The following ATP6V0A4 variants were observed in gnomAD, a reference collection of about 807,000 sequenced individuals.
ATP6V0A4 encodes the protein V-type proton ATPase 116 kDa subunit a 4.
Under a neutral mutation model 107.3 loss-of-function variants are expected in ATP6V0A4, and 86 were observed. The ratio of observed to expected loss-of-function variants is 0.80; its 90% CI spans 0.67 to 0.96. The LOEUF (loss-of-function observed/expected upper bound fraction) is 0.96. Among genes scored for constraint, ATP6V0A4 ranks in the 40% least tolerant of loss-of-function variants. The probability of loss-of-function intolerance (pLI) is 0.00; values close to 1 mark genes in which losing one functional copy is unlikely to be tolerated. For missense variants in ATP6V0A4, 908 were observed against 1,045.6 expected (o/e 0.87, Z 1.81); for synonymous variants, 353 against 381.4 (o/e 0.93, Z 0.87).
rs902076935 is a variant in ATP6V0A4, at chr7:138,795,081, T to C, written c.-121+2953A>G. ...CCTGGCTAATATTTCTGAATTTTTT[T>C]AGTAGAGATGGGATTTCACCATGTT... is the stretch of plus-strand genomic sequence containing the variant. On this transcript the variant is annotated intron_variant, in intron 1 of 21. Coordinates refer to ENST00000310018, the MANE Select transcript of ATP6V0A4 (RefSeq NM_020632.3). Among the ~76,000 whole-genome samples, 15 of 152,198 alleles carry C rather than the reference T, an allele frequency of 9.9e-5. No homozygotes were observed. In the East Asian group the frequency reaches 2.9e-3, roughly 29 times the overall value.
intron 18 of ATP6V0A4, among the ~76,000 whole-genome samples, chr7:138,727,805 C>T (rs189469269): frequency 2.0e-5 from 3 of 152,292 alleles, no homozygotes; most frequent in Non-Finnish European, 4.4e-5. Flanking sequence ...CAGAGCTAGA[C>T]GCTGATGTCC....
At chr7:138,769,374 G>A in intron 3 of ATP6V0A4, 123 bp from the exon 4 acceptor site, 1 of 1,436,074 alleles carries the variant, frequency 7.0e-7, no homozygotes, top group Non-Finnish European at 9.3e-7. Context: ...GAGGGCAATG[G>A]CGCGATCTCA....
chr7:138,793,561 C>T (rs958106864), intron 1 of ATP6V0A4, among the ~76,000 whole-genome samples: 22 of 152,068 alleles, frequency 1.4e-4, no homozygotes, highest in Admixed American at 5.2e-4. Flanking sequence ...TGGACTTACC[C>T]GGAGCACTGA....
chr7:138,714,212 G>A (rs1224409083), intron 20 of ATP6V0A4, among the ~76,000 whole-genome samples: 1 of 147,042 alleles, frequency 6.8e-6, no homozygotes, highest in Admixed American at 7.0e-5. Flanking sequence ...CTCCATCCTG[G>A]GCAACAGAGG....
chr7:138,790,470 T>C (rs1045107631), intron 1 of ATP6V0A4, among the ~76,000 whole-genome samples: 1 of 152,102 alleles, frequency 6.6e-6, no homozygotes, highest in Non-Finnish European at 1.5e-5. Flanking sequence ...AATTTTTGTA[T>C]TTTTAGTAGA....
At chr7:138,789,377 A>AT (rs1331017725) in intron 1 of ATP6V0A4, among the ~76,000 whole-genome samples, 5 of 151,868 alleles carry the variant, frequency 3.3e-5, no homozygotes, top group Non-Finnish European at 5.9e-5. Flanking sequence ...CCTCCCGAGT[A>AT]GCTGGGATTA....
At chr7:138,730,621 T>A (rs921606166) in intron 17 of ATP6V0A4, among the ~76,000 whole-genome samples, 1 of 152,206 alleles carries the variant, frequency 6.6e-6, no homozygotes, top group South Asian at 2.1e-4. Context: ...TCAGTGCTTA[T>A]TCCAGACTAA....
intron 1 of ATP6V0A4, among the ~76,000 whole-genome samples, chr7:138,787,083 A>C (rs544772233): frequency 6.6e-6 from 1 of 152,270 alleles, no homozygotes; most frequent in South Asian, 2.1e-4. Context: ...GAGCAGATGC[A>C]ATTTGCTCAA....
At position 138,732,960 on chromosome 7, in the gene ATP6V0A4, C is replaced by A; in HGVS notation, c.1825G>T (p.Ala609Ser). 1 of 1,613,118 alleles carries A rather than the reference C, an allele frequency of 6.2e-7. No individual in the cohort carries two copies. ...ATGAAGTGGATGAGGATGCTGGGGG[C>A]GTGCTGAGATACATGGACGTCAAAG... is the stretch of plus-strand genomic sequence containing the variant. ...CCFDVHVSQH[A>S]PSILIHFINM... The change falls in exon 17 of 22, where the codon GCC becomes TCC. Residue 609 changes from alanine (A) to serine (S), a missense_variant. Transcript: ENST00000310018.
intron 2 of ATP6V0A4, among the ~76,000 whole-genome samples, chr7:138,781,842 T>TC (rs1316542246): frequency 2.2e-5 from 1 of 45,278 alleles, no homozygotes; most frequent in East Asian, 9.8e-4. Flanking sequence ...TCTCTCTCTC[T>TC]CTTTTTTTTT....
rs1008553798 is a variant in ATP6V0A4, at chr7:138,797,802, C to A, written c.-121+232G>T. ...CCAGCATGACACAGATCTCTCTTGT[C>A]CTCCCCTTGTTTCTCAATAAGGACA... On this transcript the variant is annotated intron_variant, in intron 1 of 21. Transcript: ENST00000310018. 6 of 478,126 alleles carry A rather than the reference C, an allele frequency of 1.3e-5. No individual in the cohort carries two copies. The Admixed American group carries it at 1.6e-4, about 13-fold the overall frequency. 29.6% of individuals were successfully genotyped at this position (478,126 alleles called of 1,614,324 possible). A position where few individuals can be genotyped will look rare whatever the true frequency, so the allele number is the denominator to read the frequency against.
intron 11 of ATP6V0A4, 142 bp downstream of exon 11, chr7:138,752,483 G>C (rs1043352564): frequency 3.8e-6 from 4 of 1,050,298 alleles, no homozygotes; most frequent in Admixed American, 2.0e-5. Flanking sequence ...GAGTGGGGTT[G>C]ATAACTGAAG....
chr7:138,769,153 A>C lies in ATP6V0A4; in HGVS notation c.196+20T>G, dbSNP rs776696747. 6.2e-7 allele frequency: 1 copy of C among 1,606,122 alleles called. No homozygotes were observed. The highest frequency in any genetic ancestry group is 8.5e-7 in the Non-Finnish European group (1 of 1,178,132). On this transcript the variant is annotated intron_variant, in intron 4 of 21. Transcript: ENST00000310018. ...GTTCACATTTGAACAGTAAGAAAAAAAAAAAAAAAATTGGCTTACGGAGGA... is the reference window on the plus strand; with the variant it reads ...GTTCACATTTGAACAGTAAGAAAAACAAAAAAAAAATTGGCTTACGGAGGA...
chr7:138,751,897 G>C (rs1443224329), intron 11 of ATP6V0A4, among the ~76,000 whole-genome samples: 1 of 152,146 alleles, frequency 6.6e-6, no homozygotes, highest in Non-Finnish European at 1.5e-5. Context: ...TAGCCACTTG[G>C]GAGGCTGAGA....
chr7:138,755,184 G>A (rs1317251471), intron 10 of ATP6V0A4, among the ~76,000 whole-genome samples: 2 of 152,208 alleles, frequency 1.3e-5, no homozygotes, highest in African/African-American at 4.8e-5. Flanking sequence ...CTGATCATAA[G>A]TGTGTTGAGT....
In ATP6V0A4 at chr7:138,749,203, C is replaced by T. The variant is rs1244211425; in HGVS notation, c.1144G>A (p.Ala382Thr). 4 of 1,613,474 alleles carry T rather than the reference C, an allele frequency of 2.5e-6. No individual in the cohort carries two copies. Among genetic ancestry groups the T allele is most frequent in the Non-Finnish European group, 3.4e-6 (4 of 1,179,718 alleles). Residue 382 changes from alanine (A) to threonine (T), a missense_variant, in exon 12 of 22, where the codon GCC becomes ACC. Physicochemically the swap from Ala to Thr is moderately conservative, Grantham distance 58. Coordinates refer to ENST00000310018, the MANE Select transcript of ATP6V0A4 (RefSeq NM_020632.3). ...TCCCGGTAGCTGCCGACACCATAGG[C>T]ATCAACAATATTCTGGAAGCCAGCT... ...FTAGFQNIVDAYGVGSYREIN... is the reference protein window; with the variant it reads ...FTAGFQNIVDTYGVGSYREIN...
Position 138,734,381 on chromosome 7 carries a change from A to G in ATP6V0A4, c.1573-127T>C, listed in dbSNP as rs1805196769. ...GAACTGCACTTTCATATTTCAGTCC[A>G]GCTCAATGCATACATTTTAGAGTCC... On this transcript the variant is annotated intron_variant, in intron 15 of 21. Transcript: ENST00000310018. 2.1e-6 allele frequency: 3 copies of G among 1,449,486 alleles called. No homozygotes were observed. The Admixed American group carries it at 5.2e-5, about 25-fold the overall frequency. The allele number at this position is 1,449,486 out of a possible 1,614,324, so 89.8% of individuals were successfully genotyped here. A position where few individuals can be genotyped will look rare whatever the true frequency, so the allele number is the denominator to read the frequency against.
intron 5 of ATP6V0A4, among the ~76,000 whole-genome samples, chr7:138,763,397 A>T (rs1407207081): frequency 6.6e-6 from 1 of 150,774 alleles, no homozygotes; most frequent in Non-Finnish European, 1.5e-5. Context: ...GGAGGCCGAG[A>T]TGTGCAGATC....
chr7:138,779,411 T>A (rs1359858055), intron 2 of ATP6V0A4, among the ~76,000 whole-genome samples: 1 of 151,992 alleles, frequency 6.6e-6, no homozygotes, highest in Non-Finnish European at 1.5e-5. Flanking sequence ...AGATGGAATA[T>A]CTGTCTTCTT....
Sources: allele counts gnomAD v4.1 joint callset (sites outside exome capture counted in the v4.1 genomes callset), GRCh38; gene constraint gnomAD v4.1.1; transcripts MANE v1.5; gene names NCBI Gene and HGNC (gene_info 2026-07-23, HGNC 2026-07-21).